Variants in KCNQ2 observed in about 807,000 individuals in gnomAD.
KCNQ2 encodes the protein potassium voltage-gated channel subfamily KQT member 2.
KCNQ2 carries 14 observed loss-of-function variants against 84.8 expected under a neutral mutation model. That is an observed-to-expected ratio of 0.17 (90% CI 0.11 to 0.26). The LOEUF is 0.26. KCNQ2 is among the 10% of genes least tolerant of loss of function. The pLI is 1.00. For missense variants in KCNQ2, 788 were observed against 1,254.0 expected, an observed-to-expected ratio of 0.63 and a Z score of 5.61; for synonymous variants, 599 against 554.1, an observed-to-expected ratio of 1.08 and a Z score of -1.14.
intron 1 of KCNQ2, among the ~76,000 whole-genome samples, chr20:63,465,351 A>C (rs901822863): frequency 3.9e-5 from 6 of 152,264 alleles, no homozygotes; most frequent in African/African-American, 1.2e-4. Flanking sequence ...AAGGGGAAAC[A>C]GAGGGGCTTC....
chr20:63,428,396 G>A lies in KCNQ2; in HGVS notation c.1188C>T (p.Asn396=), dbSNP rs2080694966. 2.5e-6 allele frequency: 4 copies of A among 1,584,960 alleles called. No homozygotes were observed. The change falls in exon 10 of 17, where the codon AAC becomes AAT. Residue 396 remains asparagine (N), a synonymous_variant. Transcript: ENST00000359125. ...AAGCGAGTCCAGATTTACTCTTGAG[G>A]TTCCTCAGCAGCTCCAGCTGGTTCA... is the stretch of plus-strand genomic sequence containing the variant. ...PPLNQLELLR[N]LKSKSGLAFR...
At position 63,408,186 on chromosome 20, in the gene KCNQ2, G is replaced by T; in HGVS notation, c.1887+227C>A. On this transcript the variant is annotated intron_variant, in intron 16 of 16. Coordinates refer to ENST00000359125, the MANE Select transcript of KCNQ2 (RefSeq NM_172107.4). This position sits in a 1 kb window ranked among gnomAD's most constrained non-coding sequence, Gnocchi z 5.0. Reference sequence around the variant, plus strand: ...CCACCCAGGACTCCTGGGGACTTTGGCCCTTGGGTACTGTCAGGAGGGAAG... The same window carrying T: ...CCACCCAGGACTCCTGGGGACTTTGTCCCTTGGGTACTGTCAGGAGGGAAG... 1 of 566,198 alleles carries T rather than the reference G, an allele frequency of 1.8e-6. No homozygotes were observed. The highest frequency in any genetic ancestry group is 3.2e-6 in the Non-Finnish European group (1 of 317,108). The allele number at this position is 566,198 out of a possible 1,614,324, so 35.1% of individuals were successfully genotyped here. A position where few individuals can be genotyped will look rare whatever the true frequency, so the allele number is the denominator to read the frequency against.
chr20:63,439,830 A>G, intron 5 of KCNQ2, 122 bp from the exon 6 acceptor site: 1 of 759,134 alleles, frequency 1.3e-6, no homozygotes, highest in South Asian at 1.4e-5. Flanking sequence ...CCGTGTCACC[A>G]TCCACACGGA....
At position 63,460,993 on chromosome 20, in the gene KCNQ2, C is replaced by T. The variant is rs1408110886; in HGVS notation, c.296+11175G>A. ...GTATGCCGTTAACACCACAGCGGGA[C>T]GGGACCGCCTGAATCCTATTCTGTT... On this transcript the variant is annotated intron_variant, in intron 1 of 16. Coordinates refer to ENST00000359125, the MANE Select transcript of KCNQ2 (RefSeq NM_172107.4). The surrounding 1 kb of genome is among the most constrained non-coding windows in gnomAD (Gnocchi z 5.4). 3 of 152,334 alleles carry T rather than the reference C, an allele frequency of 2.0e-5. No homozygotes were observed. Among genetic ancestry groups the T allele is most frequent in the East Asian group, 3.9e-4 (2 of 5,194 alleles). 9.4% of individuals were successfully genotyped at this position (152,334 alleles called of 1,614,324 possible). A position where few individuals can be genotyped will look rare whatever the true frequency, so the allele number is the denominator to read the frequency against.
intron 12 of KCNQ2, among the ~76,000 whole-genome samples, chr20:63,418,907 A>G (rs35612393): frequency 0.23 from 35,326 of 152,122 alleles, 5,118 homozygotes; most frequent in Non-Finnish European, 0.34. Context: ...CGGCATGCAC[A>G]TGCCAAGGAG....
chr20:63,467,438 C>G (rs547228851), intron 1 of KCNQ2, among the ~76,000 whole-genome samples: 1 of 152,300 alleles, frequency 6.6e-6, no homozygotes, highest in African/African-American at 2.4e-5. Flanking sequence ...AACGTCACTC[C>G]TACAGGGCTG....
intron 11 of KCNQ2, among the ~76,000 whole-genome samples, chr20:63,422,087 G>GGCTCCAC (rs1186975005): frequency 6.6e-6 from 1 of 152,102 alleles, no homozygotes; most frequent in Non-Finnish European, 1.5e-5. Context: ...CCTGCCATGC[G>GGCTCCAC]GGGTGCGGGC....
intron 1 of KCNQ2, among the ~76,000 whole-genome samples, chr20:63,452,990 C>T (rs944393867): frequency 1.3e-5 from 2 of 152,202 alleles, no homozygotes; most frequent in African/African-American, 4.8e-5. Context: ...TAGTGAGAAG[C>T]TCAAAGCGCA....
At chr20:63,426,819 C>G (rs1022444398) in intron 10 of KCNQ2, among the ~76,000 whole-genome samples, 6 of 152,174 alleles carry the variant, frequency 3.9e-5, no homozygotes, top group Non-Finnish European at 7.3e-5. Context: ...TCCCCACCCA[C>G]CATCTCTTCA....
chr20:63,454,226 G>A (rs548271547), intron 1 of KCNQ2, among the ~76,000 whole-genome samples: 10 of 152,304 alleles, frequency 6.6e-5, no homozygotes, highest in Admixed American at 5.2e-4. Context: ...ATCTGCCCCC[G>A]CCTCGCCGGC....
chr20:63,418,440 G>C (rs3787129), intron 12 of KCNQ2, among the ~76,000 whole-genome samples: 15,416 of 152,250 alleles, frequency 0.1, 1,721 homozygotes, highest in East Asian at 0.56. Flanking sequence ...TGCCCAGCTG[G>C]TGTCCGGACC....
chr20:63,409,904 G>T (rs1024093799), intron 15 of KCNQ2: 1 of 132,108 alleles, frequency 7.6e-6, no homozygotes, highest in Admixed American at 7.9e-5. Context: ...TCCTGCCACT[G>T]GGCTGCCCTA....
chr20:63,406,937 G>A lies in KCNQ2; in HGVS notation c.2326C>T (p.Pro776Ser). Reference protein sequence around the residue: ...LRQEDTPGCRPPEGNLRDSDT... With the variant: ...LRQEDTPGCRSPEGNLRDSDT... ...CTGTCCCGCAGGTTCCCCTCGGGGG[G>A]CCTGCAGCCCGGGGTGTCCTCCTGC... The change falls in exon 17 of 17, where the codon CCC (proline) becomes TCC (serine). Residue 776 changes from proline (P) to serine (S), a missense_variant. Physicochemically the swap from Pro to Ser is moderately conservative, Grantham distance 74. Transcript: ENST00000359125. 1 of 1,596,192 alleles carries A rather than the reference G, an allele frequency of 6.3e-7. No homozygotes were observed. The highest frequency in any genetic ancestry group is 8.5e-7 in the Non-Finnish European group (1 of 1,174,446).
At chr20:63,416,130 C>T (rs904275585) in intron 12 of KCNQ2, among the ~76,000 whole-genome samples, 1 of 152,134 alleles carries the variant, frequency 6.6e-6, no homozygotes, top group Non-Finnish European at 1.5e-5. Flanking sequence ...CCTCCGCCAG[C>T]TGGGCCTCAC....
intron 1 of KCNQ2, among the ~76,000 whole-genome samples, chr20:63,450,120 C>T (rs1292754942): frequency 6.6e-6 from 1 of 150,738 alleles, no homozygotes; most frequent in African/African-American, 2.4e-5. Context: ...CCCCTCACCC[C>T]GCCTCACCCC....
chr20:63,426,039 G>A (rs375357418), intron 10 of KCNQ2, among the ~76,000 whole-genome samples: 6 of 152,204 alleles, frequency 3.9e-5, no homozygotes, highest in African/African-American at 7.2e-5. Context: ...CGGCCTCTGC[G>A]GGAGCCTCGG....
chr20:63,442,692 TCACCACCA>T (rs2081211392), intron 4 of KCNQ2, among the ~76,000 whole-genome samples, 161 bp from the exon 5 acceptor site: 1 of 50,078 alleles, frequency 2.0e-5, no homozygotes, highest in Admixed American at 2.0e-4. Context: ...ACCATCACCA[TCACCACCA>T]TCACCATCAC....
chr20:63,433,712 T>A (rs762634721), intron 8 of KCNQ2, 97 bp downstream of exon 8: 9 of 1,600,614 alleles, frequency 5.6e-6, no homozygotes, highest in Admixed American at 3.4e-5. Context: ...AGAAAAAAAA[T>A]CAATCAAAAT....
intron 11 of KCNQ2, among the ~76,000 whole-genome samples, 170 bp from the exon 12 acceptor site, chr20:63,419,842 G>A (rs936703625): frequency 3.9e-5 from 6 of 152,148 alleles, no homozygotes; most frequent in South Asian, 2.1e-4. Flanking sequence ...TCCACCGTCC[G>A]GAGAAGAAAA....
Sources: gnomAD v4.1 joint callset for allele counts (sites outside exome capture counted in the v4.1 genomes callset) on GRCh38, gnomAD v4.1.1 for gene constraint, Gnocchi (gnomAD v3.1) non-coding constraint, MANE v1.5 for transcripts, NCBI Gene and HGNC (gene_info 2026-07-23, HGNC 2026-07-21) for gene names.